PLXDC2: variants seen among roughly 807,000 people sequenced by gnomAD.
PLXDC2 encodes plexin domain-containing protein 2.
Under a neutral mutation model 68.9 loss-of-function variants are expected in PLXDC2, and 40 were observed. The observed-to-expected ratio is 0.58, with a 90% confidence interval of 0.45 to 0.76. The LOEUF (loss-of-function observed/expected upper bound fraction) is 0.76. PLXDC2 is among the 30% of genes least tolerant of loss of function. PLXDC2 has a pLI of 0.00. For synonymous variants in PLXDC2, 243 were observed against 234.2 expected (o/e 1.04, Z -0.34); for missense variants, 644 against 661.9 (o/e 0.97, Z 0.30).
In PLXDC2 at chr10:19,997,272, G is replaced by T. The variant is rs72789670; in HGVS notation, c.113-4503G>T. Among the ~76,000 whole-genome samples, 633 of 152,224 alleles carry T rather than the reference G, an allele frequency of 4.2e-3. 4 individuals are homozygous for T. Among genetic ancestry groups the T allele is most frequent in the Non-Finnish European group, 5.6e-3 (382 of 68,012 alleles). ...TATTTTCTATAGAATTTTATCTTTG[G>T]TTCTGCAATGAATTGAGATGCAAAG... On this transcript the variant is annotated intron_variant, in intron 1 of 13. Coordinates refer to ENST00000377252, the MANE Select transcript of PLXDC2 (RefSeq NM_032812.9).
chr10:20,135,508 A>C (rs1389229121), intron 4 of PLXDC2, among the ~76,000 whole-genome samples: 3 of 152,192 alleles, frequency 2.0e-5, no homozygotes, highest in Non-Finnish European at 2.9e-5. Flanking sequence ...GAAATCAACA[A>C]TTTTGTTGTT....
chr10:19,968,957 T>C (rs1834307300), intron 1 of PLXDC2, among the ~76,000 whole-genome samples: 1 of 152,224 alleles, frequency 6.6e-6, no homozygotes, highest in African/African-American at 2.4e-5. Flanking sequence ...AATCAGTTAC[T>C]GTAAAAGCCC....
chr10:20,185,590 C>G (rs1012142642), intron 9 of PLXDC2, among the ~76,000 whole-genome samples: 1 of 151,964 alleles, frequency 6.6e-6, no homozygotes, highest in African/African-American at 2.4e-5. Flanking sequence ...AAATAAATCA[C>G]TAGTTAGAGT....
chr10:20,248,147 T>G (rs1406237609), intron 13 of PLXDC2, among the ~76,000 whole-genome samples: 3 of 152,188 alleles, frequency 2.0e-5, no homozygotes, highest in African/African-American at 7.2e-5. Context: ...AAGAAGACAC[T>G]GAAATATCTG....
At chr10:19,900,730 A>G (rs963037842) in intron 1 of PLXDC2, among the ~76,000 whole-genome samples, 5 of 151,846 alleles carry the variant, frequency 3.3e-5, no homozygotes, top group African/African-American at 1.2e-4. Flanking sequence ...ATTGTACCCA[A>G]TGTGTAGGTT....
chr10:19,895,281 C>G (rs1181865441), intron 1 of PLXDC2, among the ~76,000 whole-genome samples: 2 of 152,072 alleles, frequency 1.3e-5, no homozygotes, highest in African/African-American at 4.8e-5. Flanking sequence ...TGGGCACCTT[C>G]AAGACAGGTA....
At chr10:19,948,768 C>A (rs1034398123) in intron 1 of PLXDC2, among the ~76,000 whole-genome samples, 1 of 151,986 alleles carries the variant, frequency 6.6e-6, no homozygotes, top group African/African-American at 2.4e-5. Context: ...ATTGTAGTTA[C>A]TTTATTTCAG....
intron 7 of PLXDC2, among the ~76,000 whole-genome samples, chr10:20,166,761 G>A (rs1834381723): frequency 6.6e-6 from 1 of 151,978 alleles, no homozygotes; most frequent in Non-Finnish European, 1.5e-5. Context: ...AGTTTAATAT[G>A]CAAGTATTAT....
intron 4 of PLXDC2, among the ~76,000 whole-genome samples, chr10:20,109,798 C>G (rs1441256150): frequency 6.6e-6 from 1 of 152,094 alleles, no homozygotes; most frequent in Non-Finnish European, 1.5e-5. Flanking sequence ...GGAAAGTAAC[C>G]TTCCAGAGGG....
chr10:19,820,631 A>T lies in PLXDC2; in HGVS notation c.112+3440A>T, dbSNP rs552411787. On this transcript the variant is annotated intron_variant, in intron 1 of 13. Transcript: ENST00000377252. ...AGTCCGGCCTGGGCGACAGAGCGAGACTCCGTCTCAAAAAAAAAAAAAAAG... is the reference window on the plus strand; with the variant it reads ...AGTCCGGCCTGGGCGACAGAGCGAGTCTCCGTCTCAAAAAAAAAAAAAAAG... Among the ~76,000 whole-genome samples, 5 of 129,522 alleles carry T rather than the reference A, an allele frequency of 3.9e-5. No individual in the cohort carries two copies. The Admixed American group carries it at 4.0e-4, about 10-fold the overall frequency. 85.0% of individuals were successfully genotyped at this position (129,522 alleles called of 152,430 possible).
chr10:20,167,583 T>C (rs1234981573), intron 7 of PLXDC2, among the ~76,000 whole-genome samples: 1 of 152,166 alleles, frequency 6.6e-6, no homozygotes, highest in African/African-American at 2.4e-5. Context: ...CAAGTGGATT[T>C]AGGGAACAAC....
chr10:20,016,303 A>G (rs539017217), intron 2 of PLXDC2, among the ~76,000 whole-genome samples: 195 of 152,322 alleles, frequency 1.3e-3, no homozygotes, highest in Non-Finnish European at 2.3e-3. Context: ...TAGAGAGACT[A>G]CTTCCTTTCT....
intron 13 of PLXDC2, among the ~76,000 whole-genome samples, chr10:20,266,363 GA>G (rs76205538): frequency 0.054 from 6,951 of 128,588 alleles, 189 homozygotes; most frequent in Non-Finnish European, 0.076. Context: ...AATTGTTGGG[GA>G]AAAAAAAAAA....
At chr10:20,021,485 A>G (rs1835308554) in intron 2 of PLXDC2, among the ~76,000 whole-genome samples, 1 of 151,878 alleles carries the variant, frequency 6.6e-6, no homozygotes, top group Admixed American at 6.6e-5. Flanking sequence ...AGACATTTTA[A>G]TTGATTAAAT....
chr10:20,227,961 G>T (rs1243201130), intron 12 of PLXDC2, among the ~76,000 whole-genome samples: 2 of 152,156 alleles, frequency 1.3e-5, no homozygotes, highest in Non-Finnish European at 2.9e-5. Flanking sequence ...GCTAATATTT[G>T]ATTGGATGTG....
chr10:20,022,850 GT>G (rs1835335658), intron 2 of PLXDC2, among the ~76,000 whole-genome samples: 2 of 151,968 alleles, frequency 1.3e-5, no homozygotes, highest in African/African-American at 4.8e-5. Flanking sequence ...CTTTCCTAGA[GT>G]TTTTGCGAAT....
At chr10:19,893,815 A>C (rs1437120289) in intron 1 of PLXDC2, among the ~76,000 whole-genome samples, 1 of 152,232 alleles carries the variant, frequency 6.6e-6, no homozygotes, top group Non-Finnish European at 1.5e-5. Flanking sequence ...TGTCTCCTCA[A>C]CTAGTTACAC....
chr10:19,828,031 C>T (rs1430406083), intron 1 of PLXDC2, among the ~76,000 whole-genome samples: 1 of 152,112 alleles, frequency 6.6e-6, no homozygotes, highest in African/African-American at 2.4e-5. Context: ...ATGAACAACT[C>T]AGTTAAGGGA....
intron 4 of PLXDC2, among the ~76,000 whole-genome samples, chr10:20,134,660 G>T (rs1833911950): frequency 6.6e-6 from 1 of 152,170 alleles, no homozygotes; most frequent in African/African-American, 2.4e-5. Context: ...TGGCACAAGG[G>T]TTCACAGGCG....
Sources: gnomAD v4.1 joint callset for allele counts (sites outside exome capture counted in the v4.1 genomes callset) on GRCh38, gnomAD v4.1.1 for gene constraint, MANE v1.5 for transcripts, NCBI Gene and HGNC (gene_info 2026-07-23, HGNC 2026-07-21) for gene names.